The following HS6ST3 variants were observed in gnomAD, a reference collection of about 807,000 sequenced individuals.
HS6ST3 encodes the protein heparan-sulfate 6-O-sulfotransferase 3.
HS6ST3 carries 12 observed loss-of-function variants against 36.7 expected under a neutral mutation model. The ratio of observed to expected loss-of-function variants is 0.33; its 90% CI spans 0.21 to 0.53. The LOEUF (loss-of-function observed/expected upper bound fraction) is 0.53, where lower values mean the gene tolerates loss of function less well. HS6ST3 is among the 20% of genes least tolerant of loss of function. HS6ST3 has a pLI of 0.95. For missense variants in HS6ST3, 584 were observed against 640.9 expected (o/e 0.91, Z 0.96); for synonymous variants, 240 against 257.5 (o/e 0.93, Z 0.65).
At chr13:96,696,151 CA>C (rs764106774) in intron 1 of HS6ST3, among the ~76,000 whole-genome samples, 2 of 152,100 alleles carry the variant, frequency 1.3e-5, no homozygotes, top group African/African-American at 2.4e-5. Context: ...GCTGGCTAGA[CA>C]AATATGAAAT....
intron 1 of HS6ST3, among the ~76,000 whole-genome samples, chr13:96,305,965 C>T (rs547067655): frequency 2.7e-4 from 40 of 150,558 alleles, no homozygotes; most frequent in Admixed American, 9.3e-4. Context: ...CACTGTGTCA[C>T]GTAGTGGCCA....
chr13:96,096,750 G>T (rs1039309783), intron 1 of HS6ST3, among the ~76,000 whole-genome samples: 4 of 152,168 alleles, frequency 2.6e-5, no homozygotes, highest in Non-Finnish European at 5.9e-5. Context: ...TTGAAACATT[G>T]TCTGGTTATT....
At chr13:96,215,828 C>A (rs2054423233) in intron 1 of HS6ST3, among the ~76,000 whole-genome samples, 1 of 152,024 alleles carries the variant, frequency 6.6e-6, no homozygotes, top group Admixed American at 6.6e-5. Context: ...ATTTACTTAG[C>A]CCTTTCTAAT....
At chr13:96,575,263 A>C (rs1416394828) in intron 1 of HS6ST3, among the ~76,000 whole-genome samples, 1 of 152,220 alleles carries the variant, frequency 6.6e-6, no homozygotes, top group Non-Finnish European at 1.5e-5. Flanking sequence ...TGGAATGAAG[A>C]TACCCATGGG....
At chr13:96,471,630 G>A (rs1300152766) in intron 1 of HS6ST3, among the ~76,000 whole-genome samples, 1 of 152,162 alleles carries the variant, frequency 6.6e-6, no homozygotes, top group Non-Finnish European at 1.5e-5. Flanking sequence ...AAGACAGTGA[G>A]TTTATCCAGG....
At chr13:96,763,065 G>A (rs1414457484) in intron 1 of HS6ST3, among the ~76,000 whole-genome samples, 1 of 152,134 alleles carries the variant, frequency 6.6e-6, no homozygotes, top group African/African-American at 2.4e-5. Context: ...TATATGAGAT[G>A]ATGTGGCATG....
At chr13:96,305,058 T>A (rs751837777) in intron 1 of HS6ST3, among the ~76,000 whole-genome samples, 1 of 152,126 alleles carries the variant, frequency 6.6e-6, no homozygotes, top group African/African-American at 2.4e-5. Context: ...TCCACATTTA[T>A]TTATTCATCA....
At chr13:96,793,257 T>C (rs760887142) in intron 1 of HS6ST3, among the ~76,000 whole-genome samples, 3 of 152,082 alleles carry the variant, frequency 2.0e-5, no homozygotes, top group Admixed American at 6.6e-5. Flanking sequence ...AGAAGGATTC[T>C]AATCACCACT....
intron 1 of HS6ST3, among the ~76,000 whole-genome samples, chr13:96,689,606 CTTTTTT>C (rs34000071): frequency 9.9e-6 from 1 of 101,232 alleles, no homozygotes; most frequent in African/African-American, 3.9e-5. Context: ...TTCTTTCTTT[CTTTTTT>C]TTTTTTTTTT....
intron 1 of HS6ST3, among the ~76,000 whole-genome samples, chr13:96,161,032 T>A (rs2054133277): frequency 1.3e-5 from 2 of 152,304 alleles, no homozygotes; most frequent in African/African-American, 4.8e-5. Flanking sequence ...TTGAAATTAA[T>A]TTTATAAATA....
intron 1 of HS6ST3, among the ~76,000 whole-genome samples, chr13:96,424,307 T>C (rs988297908): frequency 1.3e-5 from 2 of 152,172 alleles, no homozygotes; most frequent in Non-Finnish European, 2.9e-5. Flanking sequence ...TTTCAATGAA[T>C]CAGTTTCCAA....
intron 1 of HS6ST3, among the ~76,000 whole-genome samples, chr13:96,275,649 A>G (rs1344400738): frequency 6.6e-6 from 1 of 152,202 alleles, no homozygotes; most frequent in Admixed American, 6.5e-5. Context: ...ATGCAATATG[A>G]AAAAGTAGTA....
chr13:96,823,626 T>C (rs1878584332), intron 1 of HS6ST3, among the ~76,000 whole-genome samples: 1 of 152,044 alleles, frequency 6.6e-6, no homozygotes, highest in South Asian at 2.1e-4. Flanking sequence ...ATTTTCTTCT[T>C]TTTTTTTCTT....
chr13:96,686,972 T>A (rs1874797702), intron 1 of HS6ST3, among the ~76,000 whole-genome samples: 1 of 152,072 alleles, frequency 6.6e-6, no homozygotes, highest in African/African-American at 2.4e-5. Flanking sequence ...TTAGTGGAGA[T>A]AAAAGCACAA....
At chr13:96,424,409 C>T (rs944743704) in intron 1 of HS6ST3, among the ~76,000 whole-genome samples, 20 of 152,194 alleles carry the variant, frequency 1.3e-4, no homozygotes, top group African/African-American at 4.8e-4. Context: ...TAAATGGGCA[C>T]ACGATTTGTT....
At chr13:96,115,816 G>A (rs945261021) in intron 1 of HS6ST3, among the ~76,000 whole-genome samples, 3 of 152,076 alleles carry the variant, frequency 2.0e-5, no homozygotes, top group South Asian at 2.1e-4. Context: ...TTGAGGAATC[G>A]CCATACTGTC....
At chr13:96,411,476 T>A (rs1183653210) in intron 1 of HS6ST3, among the ~76,000 whole-genome samples, 1 of 152,010 alleles carries the variant, frequency 6.6e-6, no homozygotes, top group East Asian at 1.9e-4. Flanking sequence ...ATACAAACAT[T>A]TTGGTGGGAG....
intron 1 of HS6ST3, among the ~76,000 whole-genome samples, chr13:96,409,820 A>C (rs1792059790): frequency 6.6e-6 from 1 of 152,192 alleles, no homozygotes; most frequent in South Asian, 2.1e-4. Context: ...AGCCACAAAC[A>C]GAAAGCCCCT....
intron 1 of HS6ST3, among the ~76,000 whole-genome samples, chr13:96,543,780 T>C (rs1202680525): frequency 6.6e-6 from 1 of 152,162 alleles, no homozygotes; most frequent in Non-Finnish European, 1.5e-5. Flanking sequence ...TTATCAGTTT[T>C]GGGCATAACA....
Sources: allele counts gnomAD v4.1 joint callset (sites outside exome capture counted in the v4.1 genomes callset), GRCh38; gene constraint gnomAD v4.1.1; transcripts MANE v1.5; gene names NCBI Gene and HGNC (gene_info 2026-07-23, HGNC 2026-07-21).